Variants in MALRD1 observed in about 807,000 individuals in gnomAD.
MALRD1 encodes the protein MAM and LDL-receptor class A domain-containing protein 1.
MALRD1 carries 247 observed loss-of-function variants against 242.1 expected under a neutral mutation model. The ratio of observed to expected loss-of-function variants is 1.02; its 90% CI spans 0.92 to 1.13. The LOEUF (loss-of-function observed/expected upper bound fraction) is 1.13. MALRD1 is among the 50% of genes most tolerant of loss of function. The probability of loss-of-function intolerance (pLI) is 0.00; values close to 1 mark genes in which losing one functional copy is unlikely to be tolerated. For missense variants in MALRD1, 2,989 were observed against 2,533.1 expected, an observed-to-expected ratio of 1.18 and a Z score of -3.86; for synonymous variants, 995 against 866.6, an observed-to-expected ratio of 1.15 and a Z score of -2.60.
At chr10:19,623,708 A>G (rs1839510908) in intron 36 of MALRD1, among the ~76,000 whole-genome samples, 1 of 152,088 alleles carries the variant, frequency 6.6e-6, no homozygotes, top group South Asian at 2.1e-4. Flanking sequence ...TCAAGAAGGA[A>G]CCACTTCCCT....
At chr10:19,097,342 G>GA (rs945031388) in intron 4 of MALRD1, among the ~76,000 whole-genome samples, 5 of 151,692 alleles carry the variant, frequency 3.3e-5, no homozygotes, top group Non-Finnish European at 4.4e-5. Context: ...ATACATAGCG[G>GA]AAAAAAAAGC....
chr10:19,581,409 C>A (rs1466550103), intron 33 of MALRD1, among the ~76,000 whole-genome samples: 1 of 144,832 alleles, frequency 6.9e-6, no homozygotes, highest in African/African-American at 2.6e-5. Context: ...GTGACGTTCC[C>A]CTTCCTGTGT....
Position 19,283,067 on chromosome 10 carries a change from A to G in MALRD1, c.3305A>G (p.Gln1102Arg), listed in dbSNP as rs1281540408. ...FEKRSLCKWYQPIPVHLLQDS... is the reference protein window; with the variant it reads ...FEKRSLCKWYRPIPVHLLQDS... ...AAAAGAAGCCTGTGTAAATGGTATC[A>G]ACCAATCCCAGTACATTTGCTTCAA... is the stretch of plus-strand genomic sequence containing the variant. Residue 1102 changes from glutamine to arginine, a missense_variant, in exon 21 of 40, where the codon CAA (glutamine) becomes CGA (arginine). Gln to Arg is a conservative substitution (Grantham distance 43). Coordinates refer to ENST00000454679, the MANE Select transcript of MALRD1 (RefSeq NM_001142308.3). The G allele has an allele frequency of 7.7e-6, 12 of 1,550,036 alleles. No homozygotes were observed. Among genetic ancestry groups the G allele is most frequent in the Non-Finnish European group, 1.0e-5 (12 of 1,146,612 alleles).
At chr10:19,442,870 A>G (rs1834747283) in intron 28 of MALRD1, among the ~76,000 whole-genome samples, 1 of 152,008 alleles carries the variant, frequency 6.6e-6, no homozygotes, top group African/African-American at 2.4e-5. Flanking sequence ...TTCTCTCTTG[A>G]TTGGAATAGT....
intron 21 of MALRD1, among the ~76,000 whole-genome samples, chr10:19,287,800 C>G (rs985010399): frequency 1.3e-5 from 2 of 152,066 alleles, no homozygotes; most frequent in Non-Finnish European, 2.9e-5. Context: ...TCATTCCCGT[C>G]ATTAAGTGAC....
intron 32 of MALRD1, among the ~76,000 whole-genome samples, chr10:19,561,524 A>C (rs1016172299): frequency 6.6e-6 from 1 of 152,188 alleles, no homozygotes; most frequent in Non-Finnish European, 1.5e-5. Flanking sequence ...TGTTAGGTGC[A>C]TACACATAAA....
intron 18 of MALRD1, among the ~76,000 whole-genome samples, chr10:19,252,256 T>A (rs72796415): frequency 0.08 from 12,113 of 152,018 alleles, 612 homozygotes; most frequent in Non-Finnish European, 0.11. Flanking sequence ...TGGCAACCAA[T>A]CTGACTCAAG....
At chr10:19,064,434 G>A (rs575134418) in intron 1 of MALRD1, among the ~76,000 whole-genome samples, 1 of 151,672 alleles carries the variant, frequency 6.6e-6, no homozygotes, top group East Asian at 1.9e-4. Context: ...ATTCTCTATT[G>A]AGGAAAATGA....
At chr10:19,565,854 C>A (rs1183771787) in intron 32 of MALRD1, among the ~76,000 whole-genome samples, 5 of 152,142 alleles carry the variant, frequency 3.3e-5, no homozygotes, top group Admixed American at 1.3e-4. Context: ...GTTAAAGTCT[C>A]ACATTTCAGG....
At chr10:19,689,068 C>A (rs1448856500) in intron 36 of MALRD1, among the ~76,000 whole-genome samples, 1 of 152,144 alleles carries the variant, frequency 6.6e-6, no homozygotes, top group Non-Finnish European at 1.5e-5. Flanking sequence ...TGTACACATA[C>A]AAGGAGATAA....
intron 33 of MALRD1, among the ~76,000 whole-genome samples, chr10:19,589,900 CTCT>C (rs1188582251): frequency 6.6e-6 from 1 of 151,958 alleles, no homozygotes; most frequent in African/African-American, 2.4e-5. Flanking sequence ...GCGTGTTTGG[CTCT>C]TCTACACAGT....
chr10:19,631,401 G>T (rs981909619), intron 36 of MALRD1, among the ~76,000 whole-genome samples: 4 of 152,132 alleles, frequency 2.6e-5, no homozygotes, highest in Non-Finnish European at 5.9e-5. Flanking sequence ...CCATTGATTG[G>T]CATGTAAGTT....
chr10:19,693,847 A>G (rs1833226715), intron 38 of MALRD1, among the ~76,000 whole-genome samples: 1 of 152,218 alleles, frequency 6.6e-6, no homozygotes, highest in Non-Finnish European at 1.5e-5. Context: ...TATAGTGACC[A>G]AAACAGCATG....
In MALRD1 at chr10:19,199,662, A is replaced by G. The variant is rs7092869; in HGVS notation, c.1952-4066A>G. Among the ~76,000 whole-genome samples the G allele has an allele frequency of 9.6e-3, 1,455 of 152,166 alleles. 25 individuals carry two copies. Among genetic ancestry groups the G allele is most frequent in the African/African-American group, 0.033 (1,370 of 41,512 alleles). ...CTAAAAATACAAACAGTAGCTGGGT[A>G]TGGTGGCAGGCACCTGTAATCCCAG... On this transcript the variant is annotated intron_variant, in intron 14 of 39. Transcript: ENST00000454679.
chr10:19,641,861 T>C (rs1840398133), intron 36 of MALRD1, among the ~76,000 whole-genome samples: 1 of 152,170 alleles, frequency 6.6e-6, no homozygotes. Context: ...TGCCCATGTA[T>C]GTTAAATGAC....
intron 8 of MALRD1, 68 bp downstream of exon 8, chr10:19,128,455 T>C: frequency 9.2e-7 from 1 of 1,090,772 alleles, no homozygotes; most frequent in South Asian, 4.7e-5. Flanking sequence ...TGGCAACTTG[T>C]GTTTCGATTT....
chr10:19,613,690 C>T (rs1033102448), intron 35 of MALRD1, among the ~76,000 whole-genome samples: 15 of 152,078 alleles, frequency 9.9e-5, no homozygotes, highest in Non-Finnish European at 2.2e-4. Context: ...TGAAACATGA[C>T]ACTTTCCTTT....
intron 7 of MALRD1, 148 bp from the exon 8 acceptor site, chr10:19,128,073 T>A (rs939107133): frequency 6.9e-6 from 3 of 432,572 alleles, no homozygotes; most frequent in Non-Finnish European, 1.2e-5. Flanking sequence ...TTGTAGTTGA[T>A]GTAATCATTT....
intron 5 of MALRD1, among the ~76,000 whole-genome samples, chr10:19,117,930 C>T (rs561638168): frequency 4.6e-5 from 7 of 151,366 alleles, no homozygotes; most frequent in African/African-American, 1.2e-4. Flanking sequence ...TTTAGATAGT[C>T]GTGTGATAGC....
Sources: allele counts gnomAD v4.1 joint callset (sites outside exome capture counted in the v4.1 genomes callset), GRCh38; gene constraint gnomAD v4.1.1; transcripts MANE v1.5; gene names NCBI Gene and HGNC (gene_info 2026-07-23, HGNC 2026-07-21).